PELI2: variants seen among roughly 807,000 people sequenced by gnomAD.
The protein encoded by PELI2 is E3 ubiquitin-protein ligase pellino homolog 2.
A neutral mutation model predicts 42.3 loss-of-function variants in PELI2; 23 were observed. The observed-to-expected ratio is 0.54, with a 90% CI of 0.39 to 0.77. The LOEUF (loss-of-function observed/expected upper bound fraction) is 0.77. PELI2 is among the 30% of genes least tolerant of loss of function. The pLI is 0.00. For synonymous variants in PELI2, 245 were observed against 212.2 expected (o/e 1.15, Z -1.34); for missense variants, 463 against 553.2 (o/e 0.84, Z 1.64).
chr14:56,250,326 T>C (rs1888301616), intron 2 of PELI2, among the ~76,000 whole-genome samples: 1 of 152,286 alleles, frequency 6.6e-6, no homozygotes, highest in South Asian at 2.1e-4. Flanking sequence ...CAAAGTGTAT[T>C]AGTTAGGGTT....
intron 1 of PELI2, among the ~76,000 whole-genome samples, chr14:56,143,305 C>T (rs79353445): frequency 0.16 from 24,799 of 152,278 alleles, 2,575 homozygotes; most frequent in Non-Finnish European, 0.23. Context: ...GCAGGATACA[C>T]TGCATACAAA....
At chr14:56,154,620 G>T (rs915537398) in intron 1 of PELI2, among the ~76,000 whole-genome samples, 3 of 152,220 alleles carry the variant, frequency 2.0e-5, no homozygotes, top group Non-Finnish European at 4.4e-5. Flanking sequence ...AAATTGCCCA[G>T]TCTCAGGGAA....
intron 2 of PELI2, among the ~76,000 whole-genome samples, chr14:56,192,545 A>C (rs553939491): frequency 5.3e-5 from 8 of 152,230 alleles, no homozygotes; most frequent in African/African-American, 1.9e-4. Context: ...ATGTCTTCAG[A>C]TGTTACTGGA....
chr14:56,173,869 C>T (rs1042561935), intron 1 of PELI2, among the ~76,000 whole-genome samples: 5 of 152,170 alleles, frequency 3.3e-5, no homozygotes, highest in African/African-American at 1.2e-4. Context: ...GCAAACACCG[C>T]TTTTCCAAAA....
chr14:56,240,832 G>A (rs1887948416), intron 2 of PELI2, among the ~76,000 whole-genome samples: 1 of 151,336 alleles, frequency 6.6e-6, no homozygotes, highest in Non-Finnish European at 1.5e-5. Flanking sequence ...ACTTGGATTT[G>A]GATCCTGCCC....
chr14:56,272,242 C>T (rs1889132915), intron 2 of PELI2, among the ~76,000 whole-genome samples: 1 of 152,210 alleles, frequency 6.6e-6, no homozygotes, highest in Non-Finnish European at 1.5e-5. Context: ...TATTAAACTC[C>T]TGAGTCATTT....
Position 56,253,064 on chromosome 14 carries a change from C to T in PELI2, c.208-26612C>T, listed in dbSNP as rs369508646. Among the ~76,000 whole-genome samples the T allele has an allele frequency of 1.4e-4, 22 of 152,292 alleles. No individual in the cohort carries two copies. The East Asian group carries it at 4.0e-3, about 28-fold the overall frequency. ...GGTTCAACATATGCAAATCAATAAACGTAATCCATCACATAAACAGAACCA... is the reference window on the plus strand; with the variant it reads ...GGTTCAACATATGCAAATCAATAAATGTAATCCATCACATAAACAGAACCA... On this transcript the variant is annotated intron_variant, in intron 2 of 5. Coordinates refer to ENST00000267460, the MANE Select transcript of PELI2 (RefSeq NM_021255.3).
intron 1 of PELI2, among the ~76,000 whole-genome samples, chr14:56,142,948 A>G (rs999366532): frequency 6.6e-6 from 1 of 152,174 alleles, no homozygotes. Flanking sequence ...ATCAGTTTTC[A>G]TATTCATGGA....
At chr14:56,248,053 C>T (rs1374210455) in intron 2 of PELI2, among the ~76,000 whole-genome samples, 1 of 152,178 alleles carries the variant, frequency 6.6e-6, no homozygotes, top group African/African-American at 2.4e-5. Flanking sequence ...ACGTAACTGG[C>T]TCCAGTGTTG....
Position 56,288,459 on chromosome 14 carries a change from C to T in PELI2, c.332C>T (p.Pro111Leu). Residue 111 changes from proline (P) to leucine (L), a missense_variant, in exon 4 of 6, where the codon CCT becomes CTT. Coordinates refer to ENST00000267460, the MANE Select transcript of PELI2 (RefSeq NM_021255.3). This position sits in a 1 kb window ranked among gnomAD's most constrained non-coding sequence, Gnocchi z 4.6. ...TAGGTGGGCAGATCAACAGAAAGCC[C>T]TATCGACTTCGTTGTCACAGACACG... The part of the protein sequence containing the change: ...MFQVGRSTES[P>L]IDFVVTDTIS... 1 of 1,613,902 alleles carries T rather than the reference C, an allele frequency of 6.2e-7. No homozygotes were observed. Among genetic ancestry groups the T allele is most frequent in the East Asian group, 2.2e-5 (1 of 44,856 alleles).
chr14:56,196,621 C>T (rs566122333), intron 2 of PELI2, among the ~76,000 whole-genome samples: 16 of 152,192 alleles, frequency 1.1e-4, no homozygotes, highest in African/African-American at 3.6e-4. Flanking sequence ...GAAAAATGGC[C>T]GATAGGATCA....
intron 1 of PELI2, among the ~76,000 whole-genome samples, chr14:56,162,698 A>G (rs983705208): frequency 2.6e-5 from 4 of 152,154 alleles, no homozygotes; most frequent in Non-Finnish European, 5.9e-5. Context: ...CTGTTCTTAT[A>G]GTGGTTGTAC....
chr14:56,195,920 A>C (rs1171988446), intron 2 of PELI2, among the ~76,000 whole-genome samples: 1 of 152,348 alleles, frequency 6.6e-6, no homozygotes, highest in East Asian at 1.9e-4. Flanking sequence ...ACAGGAGAGC[A>C]TGGCCTCTGC....
intron 1 of PELI2, among the ~76,000 whole-genome samples, chr14:56,136,288 C>G (rs1461274973): frequency 3.9e-5 from 6 of 152,150 alleles, no homozygotes; most frequent in Non-Finnish European, 8.8e-5. Context: ...TGTCTCTGGT[C>G]ACACCCGGAG....
intron 2 of PELI2, among the ~76,000 whole-genome samples, chr14:56,252,823 T>C (rs1243369209): frequency 1.3e-5 from 2 of 152,024 alleles, no homozygotes; most frequent in East Asian, 1.9e-4. Flanking sequence ...TTCCGAACAA[T>C]AGAAAAAGAG....
chr14:56,293,431 C>T (rs376215419), intron 5 of PELI2, among the ~76,000 whole-genome samples: 18 of 152,304 alleles, frequency 1.2e-4, no homozygotes, highest in African/African-American at 4.1e-4. Flanking sequence ...GAATTGACGA[C>T]GTAACCTCTC....
chr14:56,291,984 G>A (rs1889845096), intron 5 of PELI2, among the ~76,000 whole-genome samples: 1 of 152,194 alleles, frequency 6.6e-6, no homozygotes, highest in Non-Finnish European at 1.5e-5. Flanking sequence ...CTCCCTGGGT[G>A]AGTATAAAGC....
chr14:56,183,435 A>G (rs375114886), intron 2 of PELI2, among the ~76,000 whole-genome samples: 6 of 152,244 alleles, frequency 3.9e-5, no homozygotes, highest in African/African-American at 1.4e-4. Flanking sequence ...TGACAAGGCA[A>G]AGGAAAAAAA....
chr14:56,181,405 A>T (rs1391317899), intron 2 of PELI2, among the ~76,000 whole-genome samples: 1 of 147,562 alleles, frequency 6.8e-6, no homozygotes, highest in Non-Finnish European at 1.5e-5. Context: ...ATGCCAGTAA[A>T]TGTCATGGTA....
Sources: gnomAD v4.1 joint callset for allele counts (sites outside exome capture counted in the v4.1 genomes callset) on GRCh38, gnomAD v4.1.1 for gene constraint, Gnocchi (gnomAD v3.1) non-coding constraint, MANE v1.5 for transcripts, NCBI Gene and HGNC (gene_info 2026-07-23, HGNC 2026-07-21) for gene names.